POC1B: variants seen among roughly 807,000 people sequenced by gnomAD.
The protein encoded by POC1B is POC1 centriolar protein B.
A neutral mutation model predicts 60.6 loss-of-function variants in POC1B; 44 were observed. That is an observed-to-expected ratio of 0.73 (90% CI 0.57 to 0.93). POC1B has a LOEUF of 0.93. Among genes scored for constraint, POC1B ranks in the 40% least tolerant of loss-of-function variants. The pLI, the probability that POC1B is intolerant of heterozygous loss-of-function variation, is 0.00. For missense variants in POC1B, 555 were observed against 572.3 expected (o/e 0.97, Z 0.31); for synonymous variants, 180 against 198.9 (o/e 0.90, Z 0.80).
At chr12:89,525,426 G>T (rs1871372169) in intron 1 of POC1B, 2 of 1,379,860 alleles carry the variant, frequency 1.4e-6, no homozygotes, top group Non-Finnish European at 9.3e-7. Flanking sequence ...CCCGCAAAAC[G>T]CTCTGTTCGC....
intron 10 of POC1B, among the ~76,000 whole-genome samples, chr12:89,439,879 A>G (rs1881436999): frequency 6.6e-6 from 1 of 152,218 alleles, no homozygotes. Context: ...TGCTGGGATT[A>G]CAGGCATGAG....
intron 10 of POC1B, 145 bp downstream of exon 10, chr12:89,459,493 C>T (rs1882392137): frequency 1.4e-5 from 4 of 293,136 alleles, no homozygotes; most frequent in East Asian, 6.0e-5. Flanking sequence ...GTAAATATGA[C>T]TATAAAGTTT....
chr12:89,483,197 C>T (rs767844798), intron 4 of POC1B, among the ~76,000 whole-genome samples: 1 of 152,114 alleles, frequency 6.6e-6, no homozygotes, highest in African/African-American at 2.4e-5. Context: ...CTACCATGTC[C>T]GACATGCTAT....
Position 89,452,716 on chromosome 12 carries a change from C to T in POC1B, c.1113+6922G>A, listed in dbSNP as rs138168702. Among the ~76,000 whole-genome samples, 1,285 of 152,098 alleles carry T rather than the reference C, an allele frequency of 8.4e-3. 22 individuals are homozygous for T. Among genetic ancestry groups the T allele is most frequent in the African/African-American group, 0.029 (1,211 of 41,496 alleles). On this transcript the variant is annotated intron_variant, in intron 10 of 11. Coordinates refer to ENST00000313546, the MANE Select transcript of POC1B (RefSeq NM_172240.3). ...ATTTGAAGGGGGGGAAAAGAAGCCTCTGGCTTTCACTGTTAATCTTTTATT... is the reference window on the plus strand; with the variant it reads ...ATTTGAAGGGGGGGAAAAGAAGCCTTTGGCTTTCACTGTTAATCTTTTATT...
the POC1B span, among the ~76,000 whole-genome samples, chr12:89,410,686 A>AAG: frequency 6.6e-6 from 1 of 151,656 alleles, no homozygotes. Flanking sequence ...CTCAAAAAAA[A>AAG]AAAAAAGGAA....
chr12:89,504,890 A>G (rs1472922833), intron 2 of POC1B, among the ~76,000 whole-genome samples: 1 of 152,226 alleles, frequency 6.6e-6, no homozygotes, highest in Admixed American at 6.5e-5. Context: ...GGACCACTTG[A>G]GGCCAGGAGT....
At chr12:89,524,875 C>G in intron 2 of POC1B, 1 of 653,014 alleles carries the variant, frequency 1.5e-6, no homozygotes. Flanking sequence ...GGTTAGTTTG[C>G]GAAAGTCGTC....
chr12:89,525,447 G>GTCCA (rs1871374691), intron 1 of POC1B: 4 of 1,362,248 alleles, frequency 2.9e-6, no homozygotes, highest in Non-Finnish European at 3.8e-6. Context: ...GCTTCCCAGA[G>GTCCA]TCCAGCGCAT....
chr12:89,472,477 G>T, intron 4 of POC1B: 1 of 475,836 alleles, frequency 2.1e-6, no homozygotes, highest in Non-Finnish European at 3.7e-6. Flanking sequence ...GTCAAAATAT[G>T]CTATGTAGAC....
chr12:89,507,468 A>G (rs146485347), intron 2 of POC1B, among the ~76,000 whole-genome samples: 70 of 152,282 alleles, frequency 4.6e-4, no homozygotes, highest in African/African-American at 1.6e-3. Flanking sequence ...ACCACACCCT[A>G]TATAAACATT....
chr12:89,441,745 C>T (rs1052744589), intron 10 of POC1B, among the ~76,000 whole-genome samples: 5 of 152,182 alleles, frequency 3.3e-5, no homozygotes, highest in Non-Finnish European at 7.3e-5. Context: ...TCGCCAGCAA[C>T]GGAACAAAGC....
intron 2 of POC1B, among the ~76,000 whole-genome samples, chr12:89,513,592 G>A (rs994289882): frequency 4.6e-5 from 7 of 152,158 alleles, no homozygotes; most frequent in Non-Finnish European, 8.8e-5. Flanking sequence ...GGCCCTCTGC[G>A]AAAGGGATGA....
the POC1B span, among the ~76,000 whole-genome samples, chr12:89,405,668 A>G: frequency 6.6e-6 from 1 of 152,164 alleles, no homozygotes; most frequent in African/African-American, 2.4e-5. Flanking sequence ...TCTAAAAATG[A>G]GTGCAGGGCC....
chr12:89,448,531 A>C (rs1881887842), intron 10 of POC1B, among the ~76,000 whole-genome samples: 1 of 152,214 alleles, frequency 6.6e-6, no homozygotes, highest in Non-Finnish European at 1.5e-5. Context: ...AAAACTGAAA[A>C]TTAGTGACAG....
chr12:89,490,591 C>G (rs1868911930), intron 4 of POC1B, among the ~76,000 whole-genome samples: 1 of 152,150 alleles, frequency 6.6e-6, no homozygotes, highest in Non-Finnish European at 1.5e-5. Flanking sequence ...GTGATCCACC[C>G]ACCTTGGCCT....
At chr12:89,494,445 T>C (rs1869141627) in intron 3 of POC1B, among the ~76,000 whole-genome samples, 1 of 152,106 alleles carries the variant, frequency 6.6e-6, no homozygotes, top group Non-Finnish European at 1.5e-5. Context: ...CATGCATGTC[T>C]CTCCGCTTCA....
chr12:89,437,962 G>A (rs1881341292), intron 10 of POC1B, among the ~76,000 whole-genome samples: 1 of 151,288 alleles, frequency 6.6e-6, no homozygotes, highest in Admixed American at 6.6e-5. Flanking sequence ...CAGGAGAATT[G>A]CTTGCTCAAA....
chr12:89,434,834 C>A (rs1881186056), intron 10 of POC1B, among the ~76,000 whole-genome samples: 1 of 152,104 alleles, frequency 6.6e-6, no homozygotes. Flanking sequence ...CTATAGTTAT[C>A]TTTCACACTG....
At chr12:89,421,963 A>G (rs1880553904) in intron 11 of POC1B, among the ~76,000 whole-genome samples, 1 of 152,124 alleles carries the variant, frequency 6.6e-6, no homozygotes, top group African/African-American at 2.4e-5. Context: ...AAATGTTAAC[A>G]TATGTTTTAT....
Sources: gnomAD v4.1 joint callset for allele counts (sites outside exome capture counted in the v4.1 genomes callset) on GRCh38, gnomAD v4.1.1 for gene constraint, MANE v1.5 for transcripts, NCBI Gene and HGNC (gene_info 2026-07-23, HGNC 2026-07-21) for gene names.